RTN4RL2: variants seen among roughly 807,000 people sequenced by gnomAD.
RTN4RL2 encodes the protein reticulon 4 receptor like 2.
A neutral mutation model predicts 27.8 loss-of-function variants in RTN4RL2; 9 were observed. The ratio of observed to expected loss-of-function variants is 0.32; its 90% CI spans 0.20 to 0.57. RTN4RL2 has a LOEUF of 0.57. Among genes scored for constraint, RTN4RL2 ranks in the 20% least tolerant of loss-of-function variants. The pLI is 0.90. For missense variants in RTN4RL2, 436 were observed against 596.8 expected (o/e 0.73, Z 2.81); for synonymous variants, 285 against 297.9 (o/e 0.96, Z 0.45).
intron 1 of RTN4RL2, among the ~76,000 whole-genome samples, chr11:57,466,810 T>C (rs1452130472): frequency 6.6e-6 from 1 of 152,136 alleles, no homozygotes; most frequent in African/African-American, 2.4e-5. Flanking sequence ...CAGGGGACAT[T>C]TGGCAATGTC....
chr11:57,476,137 C>T lies in RTN4RL2; in HGVS notation c.514-25C>T. ...CCTACCTCAGGCCCATTCTCTTCTT[C>T]TGTGCCCCACTCCACCCCACCCAGG... On this transcript the variant is annotated intron_variant, in intron 2 of 2. Transcript: ENST00000335099. This position sits in a 1 kb window ranked among gnomAD's most constrained non-coding sequence, Gnocchi z 8.2. The T allele has an allele frequency of 2.5e-6, 4 of 1,583,584 alleles. No individual in the cohort carries two copies. Among genetic ancestry groups the T allele is most frequent in the Non-Finnish European group, 3.4e-6 (4 of 1,163,390 alleles).
rs577305902 is a variant in RTN4RL2 at position 57,468,680 on chromosome 11, G to A, written c.513+590G>A. The A allele has an allele frequency of 2.8e-5, 43 of 1,536,128 alleles. No individual in the cohort carries two copies. The South Asian group carries it at 4.8e-4, about 17-fold the overall frequency. On this transcript the variant is annotated intron_variant, in intron 2 of 2. Coordinates refer to ENST00000335099, the MANE Select transcript of RTN4RL2 (RefSeq NM_178570.3). ...AGCCACTGGCATCCCACAGAAAGTT[G>A]CGCTTCTCTCCAATTCACTGGGCAA... is the stretch of plus-strand genomic sequence containing the variant.
Position 57,476,063 on chromosome 11 carries a change from C to G in RTN4RL2, c.514-99C>G. ...AAGGTCAACCCTTTCTCTTCTGCCA[C>G]GGTGCACCCCCTTCCCTCCCCCGGC... is the stretch of plus-strand genomic sequence containing the variant. On this transcript the variant is annotated intron_variant, in intron 2 of 2. Transcript: ENST00000335099. This position sits in a 1 kb window ranked among gnomAD's most constrained non-coding sequence, Gnocchi z 8.2. The G allele has an allele frequency of 8.7e-7, 1 of 1,151,820 alleles. No homozygotes were observed. The highest frequency in any genetic ancestry group is 1.5e-5 in the South Asian group (1 of 66,754). 71.3% of individuals were successfully genotyped at this position (1,151,820 alleles called of 1,614,324 possible).
rs1195813092 is a variant in RTN4RL2 at position 57,467,040 on chromosome 11, G to C, written c.32-569G>C. On this transcript the variant is annotated intron_variant, in intron 1 of 2. Coordinates refer to ENST00000335099, the MANE Select transcript of RTN4RL2 (RefSeq NM_178570.3). The surrounding 1 kb of genome is among the most constrained non-coding windows in gnomAD (Gnocchi z 5.5). ...GCAATAGTGAAAACAGGAATGAAGA[G>C]ATGATCATTCTTCAACCAATTTGCA... Among the ~76,000 whole-genome samples the C allele has an allele frequency of 6.6e-6, 1 of 152,222 alleles. No individual in the cohort carries two copies. Among genetic ancestry groups the C allele is most frequent in the Non-Finnish European group, 1.5e-5 (1 of 68,038 alleles).
intron 2 of RTN4RL2, among the ~76,000 whole-genome samples, chr11:57,474,765 G>A (rs1943586657): frequency 6.6e-6 from 1 of 152,344 alleles, no homozygotes; most frequent in South Asian, 2.1e-4. Context: ...CCCCTGGTGA[G>A]CTGGTTATAA....
chr11:57,465,990 ATTTTTTTTTTTTT>A (rs35174184), intron 1 of RTN4RL2, among the ~76,000 whole-genome samples: 1 of 77,900 alleles, frequency 1.3e-5, no homozygotes, highest in Non-Finnish European at 2.4e-5. Context: ...CATGCCTACA[ATTTTTTTTTTTTT>A]TTTTTTTTTT....
At chr11:57,468,454 C>A (rs1943542069) in intron 2 of RTN4RL2, 4 of 1,016,142 alleles carry the variant, frequency 3.9e-6, no homozygotes, top group Non-Finnish European at 5.8e-6. Context: ...TGTCTGTCTC[C>A]CTTCACACAC....
intron 2 of RTN4RL2, among the ~76,000 whole-genome samples, chr11:57,468,329 C>T (rs377432613): frequency 3.6e-4 from 55 of 152,010 alleles, no homozygotes; most frequent in African/African-American, 1.3e-3. Context: ...TCTCTCTCTC[C>T]CTCTAACTCC....
At chr11:57,475,984 C>G (rs1278344743) in intron 2 of RTN4RL2, among the ~76,000 whole-genome samples, 178 bp from the exon 3 acceptor site, 2 of 152,224 alleles carry the variant, frequency 1.3e-5, no homozygotes, top group Admixed American at 6.5e-5. Flanking sequence ...CCACTTTTTC[C>G]ACAGCAAATA....
chr11:57,471,144 G>A (rs1348482844), intron 2 of RTN4RL2, among the ~76,000 whole-genome samples: 1 of 151,760 alleles, frequency 6.6e-6, no homozygotes, highest in Non-Finnish European at 1.5e-5. Context: ...GCTAAGGCAG[G>A]AGAATCACTT....
chr11:57,470,422 AT>A (rs1009873272), intron 2 of RTN4RL2, among the ~76,000 whole-genome samples: 2 of 151,928 alleles, frequency 1.3e-5, no homozygotes, highest in African/African-American at 2.4e-5. Flanking sequence ...TATTTTTTGT[AT>A]TTTTAGTAGA....
intron 1 of RTN4RL2, among the ~76,000 whole-genome samples, chr11:57,466,555 C>A (rs1386232112): frequency 6.6e-6 from 1 of 152,200 alleles, no homozygotes; most frequent in Admixed American, 6.5e-5. Context: ...GCTGTCCCCC[C>A]AGGAATTCTG....
At chr11:57,475,910 G>A (rs1943592387) in intron 2 of RTN4RL2, among the ~76,000 whole-genome samples, 1 of 151,888 alleles carries the variant, frequency 6.6e-6, no homozygotes, top group Non-Finnish European at 1.5e-5. Context: ...GCCCCACCCC[G>A]CTCAGAGATC....
chr11:57,476,822 G>T lies in RTN4RL2; in HGVS notation c.1174G>T (p.Ala392Ser). ...GATGTGCCCCGGCGCTGCCTGCCAGGCGCCCCCGGACTCCCGAGGCCCTGC... is the reference window on the plus strand; with the variant it reads ...GATGTGCCCCGGCGCTGCCTGCCAGTCGCCCCCGGACTCCCGAGGCCCTGC... ...EQMCPGAACQ[A>S]PPDSRGPALS... is the part of the protein sequence containing the mutation. The change falls in exon 3 of 3, where the codon GCG (alanine) becomes TCG (serine). Residue 392 changes from alanine (A) to serine (S), a missense_variant. By Grantham distance (99) the Ala-to-Ser change is moderately conservative. Around this residue, in one of 3 missense-constraint regions of RTN4RL2, gnomAD observed 60 missense variants for 43.0 expected, o/e 1.40. Transcript: ENST00000335099. The surrounding 1 kb of genome is among the most constrained non-coding windows in gnomAD (Gnocchi z 8.2). 1 of 1,550,368 alleles carries T rather than the reference G, an allele frequency of 6.5e-7. No individual in the cohort carries two copies.
chr11:57,464,998 GC>G (rs1943511019), intron 1 of RTN4RL2, among the ~76,000 whole-genome samples: 6 of 152,284 alleles, frequency 3.9e-5, no homozygotes, highest in Admixed American at 3.3e-4. Context: ...CACGCACGGG[GC>G]CCGGCGCTCA....
At position 57,477,161 on chromosome 11, in the gene RTN4RL2, T is replaced by G; in HGVS notation, c.*250T>G. 5 of 401,524 alleles carry G rather than the reference T, an allele frequency of 1.2e-5. No homozygotes were observed. Among genetic ancestry groups the G allele is most frequent in the East Asian group, 3.8e-5 (1 of 26,152 alleles). The allele number at this position is 401,524 out of a possible 1,614,324, so 24.9% of individuals were successfully genotyped here. A position where few individuals can be genotyped will look rare whatever the true frequency, so the allele number is the denominator to read the frequency against. On this transcript the variant is annotated 3_prime_UTR_variant, in exon 3 of 3. Coordinates refer to ENST00000335099, the MANE Select transcript of RTN4RL2 (RefSeq NM_178570.3). ...CCTCCCCAGTTCTGGCCATTAACTCTTCCCCATCCCAAGGCTGGGGTGGGG... is the reference window on the plus strand; with the variant it reads ...CCTCCCCAGTTCTGGCCATTAACTCGTCCCCATCCCAAGGCTGGGGTGGGG...
In RTN4RL2 at chr11:57,476,884, C is replaced by G. The variant is rs1223833839; in HGVS notation, c.1236C>G (p.Leu412=). ...SAGLPSPLLC[L]LLLVPHHL ...GGCTCCCCAGCCCTCTGCTTTGCCT[C>G]CTGCTCCTGGTGCCCCACCACCTCT... Residue 412 remains leucine (L), a synonymous_variant, in exon 3 of 3, where the codon CTC becomes CTG. Transcript: ENST00000335099. This position sits in a 1 kb window ranked among gnomAD's most constrained non-coding sequence, Gnocchi z 8.2. The G allele has an allele frequency of 6.3e-7, 1 of 1,575,172 alleles. No homozygotes were observed. The highest frequency in any genetic ancestry group is 1.1e-5 in the South Asian group (1 of 89,794).
chr11:57,471,403 G>A (rs561005483), intron 2 of RTN4RL2, among the ~76,000 whole-genome samples: 3 of 152,228 alleles, frequency 2.0e-5, no homozygotes, highest in Non-Finnish European at 4.4e-5. Flanking sequence ...TCTGAAATGG[G>A]AAGTGTTTGT....
chr11:57,477,168 T>C lies in RTN4RL2; in HGVS notation c.*257T>C. ...AGTTCTGGCCATTAACTCTTCCCCATCCCAAGGCTGGGGTGGGGCCCCCCA... is the reference window on the plus strand; with the variant it reads ...AGTTCTGGCCATTAACTCTTCCCCACCCCAAGGCTGGGGTGGGGCCCCCCA... On this transcript the variant is annotated 3_prime_UTR_variant, in exon 3 of 3. Coordinates refer to ENST00000335099, the MANE Select transcript of RTN4RL2 (RefSeq NM_178570.3). The C allele has an allele frequency of 2.5e-6, 1 of 393,342 alleles. No homozygotes were observed. The highest frequency in any genetic ancestry group is 4.5e-5 in the Admixed American group (1 of 22,018). 24.4% of individuals were successfully genotyped at this position (393,342 alleles called of 1,614,324 possible). A position where few individuals can be genotyped will look rare whatever the true frequency, so the allele number is the denominator to read the frequency against.
Sources: gnomAD v4.1 joint callset for allele counts (sites outside exome capture counted in the v4.1 genomes callset) on GRCh38, gnomAD v4.1.1 for gene constraint, gnomAD v4.1.1 regional missense constraint, Gnocchi (gnomAD v3.1) non-coding constraint, MANE v1.5 for transcripts, NCBI Gene and HGNC (gene_info 2026-07-23, HGNC 2026-07-21) for gene names.